Variants in PPP1R9B observed in about 807,000 individuals in gnomAD.
PPP1R9B encodes neurabin-2.
PPP1R9B carries 17 observed loss-of-function variants against 75.8 expected under a neutral mutation model. The ratio of observed to expected loss-of-function variants is 0.22; its 90% CI spans 0.15 to 0.34. The LOEUF is 0.34. PPP1R9B is among the 10% of genes least tolerant of loss of function. The probability of loss-of-function intolerance (pLI) is 1.00; values close to 1 mark genes in which losing one functional copy is unlikely to be tolerated. For missense variants in PPP1R9B, 875 were observed against 1,196.0 expected (o/e 0.73, Z 3.96); for synonymous variants, 509 against 535.4 (o/e 0.95, Z 0.68).
At chr17:50,141,245 C>G in intron 4 of PPP1R9B, 24 bp downstream of exon 4, 1 of 1,518,180 alleles carries the variant, frequency 6.6e-7, no homozygotes, top group Non-Finnish European at 8.9e-7. Context: ...CCCGCTCCCA[C>G]GCCCCACCCC....
intron 2 of PPP1R9B, 130 bp downstream of exon 2, chr17:50,144,983 C>T (rs1912478386): frequency 1.7e-6 from 2 of 1,184,390 alleles, no homozygotes; most frequent in Non-Finnish European, 2.3e-6. Context: ...TCACCAAGGG[C>T]CTGAGTCAGA....
At chr17:50,138,156 G>A (rs1912276880) in intron 7 of PPP1R9B, among the ~76,000 whole-genome samples, 2 of 15,028 alleles carry the variant, frequency 1.3e-4, no homozygotes, top group African/African-American at 1.4e-3. Context: ...TATACTACGT[G>A]TGTGTGTGTG....
In PPP1R9B at chr17:50,136,060, C is replaced by T. The variant is rs1428196090; in HGVS notation, c.2211G>A (p.Val737=). The change falls in exon 8 of 10, where the codon GTG becomes GTA. Residue 737 remains valine (V), a synonymous_variant. Transcript: ENST00000612501. ...CCTGAGTCTCCCGCAGGTGCTCGTC[C>T]ACAGCCTGGCACAGGCTCTGGGCCT... is the stretch of plus-strand genomic sequence containing the variant. ...WGEAQSLCQA[V]DEHLRETQAQ... 2.7e-5 allele frequency: 44 copies of T among 1,612,568 alleles called. No homozygotes were observed. Among genetic ancestry groups the T allele is most frequent in the Non-Finnish European group, 3.4e-5 (40 of 1,179,694 alleles).
At position 50,139,988 on chromosome 17, in the gene PPP1R9B, T is replaced by A; in HGVS notation, c.1866+105A>T. ...GACTGGAGGACAGGGAATGGCACTG[T>A]GGGCTTTTTACTAGGGCAGGGGAAG... On this transcript the variant is annotated intron_variant, in intron 5 of 9. Transcript: ENST00000612501. This position sits in a 1 kb window ranked among gnomAD's most constrained non-coding sequence, Gnocchi z 5.0. 3.1e-6 allele frequency: 4 copies of A among 1,279,980 alleles called. No individual in the cohort carries two copies. The highest frequency in any genetic ancestry group is 3.2e-6 in the Non-Finnish European group (3 of 930,292). The allele number at this position is 1,279,980 out of a possible 1,614,324, so 79.3% of individuals were successfully genotyped here.
chr17:50,150,592 G>T lies in PPP1R9B; in HGVS notation c.-79C>A. ...GGCGGCTGGCCAAGTCGGGACCACC[G>T]CCCCCTCCCCCCGATAAAAGAAACC... On this transcript the variant is annotated 5_prime_UTR_variant, in exon 1 of 10. Coordinates refer to ENST00000612501, the MANE Select transcript of PPP1R9B (RefSeq NM_032595.5). The surrounding 1 kb of genome is among the most constrained non-coding windows in gnomAD (Gnocchi z 8.7). 8.2e-7 allele frequency: 1 copy of T among 1,221,032 alleles called. No individual in the cohort carries two copies. The highest frequency in any genetic ancestry group is 1.0e-6 in the Non-Finnish European group (1 of 984,932). 75.6% of individuals were successfully genotyped at this position (1,221,032 alleles called of 1,614,324 possible). A position where few individuals can be genotyped will look rare whatever the true frequency, so the allele number is the denominator to read the frequency against.
At position 50,135,634 on chromosome 17, in the gene PPP1R9B, C is replaced by T. The variant is rs1252460612; in HGVS notation, c.2319G>A (p.Leu773=). The change falls in exon 9 of 10, where the codon CTG becomes CTA. Residue 773 remains leucine (L), a synonymous_variant. Transcript: ENST00000612501. ...KDYQQKEIEF[L]KKETAQRRVL... is the part of the protein sequence containing the mutation. ...CCCGACGCTGTGCAGTCTCCTTTTT[C>T]AGGAACTCGATCTCCCTGGGCACAG... 8 of 1,607,942 alleles carry T rather than the reference C, an allele frequency of 5.0e-6. No individual in the cohort carries two copies. Among genetic ancestry groups the T allele is most frequent in the South Asian group, 4.5e-5 (4 of 89,826 alleles).
chr17:50,147,210 G>C (rs1044241574), intron 1 of PPP1R9B, among the ~76,000 whole-genome samples: 1 of 152,114 alleles, frequency 6.6e-6, no homozygotes, highest in East Asian at 1.9e-4. Context: ...ACCCCTCCTC[G>C]GGCTGCCCAC....
intron 2 of PPP1R9B, 75 bp downstream of exon 2, chr17:50,145,038 C>T: frequency 6.5e-7 from 1 of 1,549,198 alleles, no homozygotes; most frequent in Non-Finnish European, 8.7e-7. Flanking sequence ...GGGCACAGGG[C>T]AGGAGCTGGT....
At position 50,143,588 on chromosome 17, in the gene PPP1R9B, G is replaced by T; in HGVS notation, c.1625+10C>A. On this transcript the variant is annotated intron_variant, in intron 3 of 9. Coordinates refer to ENST00000612501, the MANE Select transcript of PPP1R9B (RefSeq NM_032595.5). ...AAAAAGGGTCAGGCGAGACTGGGGA[G>T]GATTGGTACCTGCCATCCCGATGGG... 6.2e-7 allele frequency: 1 copy of T among 1,613,876 alleles called. No individual in the cohort carries two copies. The highest frequency in any genetic ancestry group is 8.5e-7 in the Non-Finnish European group (1 of 1,179,866).
At position 50,140,205 on chromosome 17, in the gene PPP1R9B, G is replaced by A. The variant is rs771669397; in HGVS notation, c.1754C>T (p.Pro585Leu). The A allele has an allele frequency of 6.2e-6, 10 of 1,600,650 alleles. No homozygotes were observed. Among genetic ancestry groups the A allele is most frequent in the African/African-American group, 1.3e-5 (1 of 74,654 alleles). Residue 585 changes from proline to leucine, a missense_variant, in exon 5 of 10, where the codon CCG becomes CTG. Transcript: ENST00000612501. ...CTGGGCCACTTCGCTCTGCTCTCCC[G>A]GCCGCTCCCGGCCAATCATAAACCT... Reference protein sequence around the residue: ...RVRFMIGRERPGEQSEVAQLI... With the variant: ...RVRFMIGRERLGEQSEVAQLI...
At chr17:50,135,683 G>A (rs1205829457) in intron 8 of PPP1R9B, 34 bp from the exon 9 acceptor site, 6 of 1,554,110 alleles carry the variant, frequency 3.9e-6, no homozygotes, top group Non-Finnish European at 5.3e-6. Context: ...GGCAGGTAAG[G>A]GTGTGTGGTC....
At position 50,134,338 on chromosome 17, in the gene PPP1R9B, G is replaced by A. The variant is rs1912152987; in HGVS notation, c.*993C>T. On this transcript the variant is annotated 3_prime_UTR_variant, in exon 10 of 10. Transcript: ENST00000612501. ...ACATTGGAAAACCAGTAGGGGGTGG[G>A]GGCGAGGCTGACTCCCTGCAATGTC... 6.5e-6 allele frequency: 1 copy of A among 152,860 alleles called. No homozygotes were observed. Among genetic ancestry groups the A allele is most frequent in the Non-Finnish European group, 1.5e-5 (1 of 68,182 alleles). 9.5% of individuals were successfully genotyped at this position (152,860 alleles called of 1,614,324 possible). A position where few individuals can be genotyped will look rare whatever the true frequency, so the allele number is the denominator to read the frequency against.
chr17:50,141,158 C>T, intron 4 of PPP1R9B, 111 bp downstream of exon 4: 1 of 706,326 alleles, frequency 1.4e-6, no homozygotes, highest in Admixed American at 2.6e-5. Context: ...GTCAGCAGAA[C>T]CTCTGTGAGC....
intron 8 of PPP1R9B, 124 bp from the exon 9 acceptor site, chr17:50,135,773 C>A: frequency 1.1e-6 from 1 of 944,248 alleles, no homozygotes. Flanking sequence ...TCAGGAGGCC[C>A]CAGGTTTTCC....
chr17:50,145,757 G>A (rs919707319), intron 1 of PPP1R9B, among the ~76,000 whole-genome samples: 1 of 151,880 alleles, frequency 6.6e-6, no homozygotes, highest in African/African-American at 2.4e-5. Context: ...GTGTGAGACA[G>A]AAGAGGAGGA....
rs767016958 is a variant in PPP1R9B at position 50,135,295 on chromosome 17, G to A, written c.*36C>T. On this transcript the variant is annotated 3_prime_UTR_variant, in exon 10 of 10. Coordinates refer to ENST00000612501, the MANE Select transcript of PPP1R9B (RefSeq NM_032595.5). ...ACAGGGGAGGGAGGACAATGGGAGG[G>A]GGGTTAATTATTGTCCAGTCATGGA... The A allele has an allele frequency of 1.3e-6, 2 of 1,565,426 alleles. No individual in the cohort carries two copies. The highest frequency in any genetic ancestry group is 1.1e-5 in the South Asian group (1 of 90,110).
At chr17:50,138,102 C>T (rs918102421) in intron 7 of PPP1R9B, among the ~76,000 whole-genome samples, 1 of 151,932 alleles carries the variant, frequency 6.6e-6, no homozygotes, top group Non-Finnish European at 1.5e-5. Flanking sequence ...ATCTGCATGC[C>T]TGTGAGGGTG....
chr17:50,135,858 G>A (rs1340163735), intron 8 of PPP1R9B, 110 bp downstream of exon 8: 1 of 951,016 alleles, frequency 1.1e-6, no homozygotes, highest in Admixed American at 2.5e-5. Flanking sequence ...CCACCATGGG[G>A]CCCTCCAACT....
intron 9 of PPP1R9B, 25 bp from the exon 10 acceptor site, chr17:50,135,409 G>C: frequency 6.2e-7 from 1 of 1,611,122 alleles, no homozygotes. Context: ...AGGGTAGGGG[G>C]TCAGGTCTGG....
Sources: gnomAD v4.1 joint callset for allele counts (sites outside exome capture counted in the v4.1 genomes callset) on GRCh38, gnomAD v4.1.1 for gene constraint, Gnocchi (gnomAD v3.1) non-coding constraint, MANE v1.5 for transcripts, NCBI Gene and HGNC (gene_info 2026-07-23, HGNC 2026-07-21) for gene names.